The following EFCAB7 variants were observed in gnomAD, a reference collection of about 807,000 sequenced individuals.
The protein encoded by EFCAB7 is EF-hand calcium binding domain 7.
EFCAB7 carries 66 observed loss-of-function variants against 77.1 expected under a neutral mutation model. The ratio of observed to expected loss-of-function variants is 0.86; its 90% CI spans 0.70 to 1.05. The LOEUF (loss-of-function observed/expected upper bound fraction) is 1.05, where lower values mean the gene tolerates loss of function less well. EFCAB7 is among the 50% of genes least tolerant of loss of function. The pLI, the probability that EFCAB7 is intolerant of heterozygous loss-of-function variation, is 0.00. For synonymous variants in EFCAB7, 225 were observed against 243.3 expected, an observed-to-expected ratio of 0.92 and a Z score of 0.70; for missense variants, 638 against 730.5, an observed-to-expected ratio of 0.87 and a Z score of 1.46.
At chr1:63,533,398 C>A in intron 4 of EFCAB7, 56 bp from the exon 5 acceptor site, 1 of 1,346,394 alleles carries the variant, frequency 7.4e-7, no homozygotes, top group Non-Finnish European at 1.0e-6. Flanking sequence ...TTGCTTTCTC[C>A]TCTTCCCCAG....
chr1:63,565,505 C>T (rs955267190), intron 11 of EFCAB7, among the ~76,000 whole-genome samples: 3 of 152,036 alleles, frequency 2.0e-5, no homozygotes, highest in African/African-American at 7.2e-5. Context: ...ATGCCACAAG[C>T]AATTGCAACA....
At chr1:63,578,747 G>T in the EFCAB7 span, among the ~76,000 whole-genome samples, 1 of 151,510 alleles carries the variant, frequency 6.6e-6, no homozygotes, top group African/African-American at 2.4e-5. Context: ...GGCCTCACAA[G>T]CAATAGATCA....
chr1:63,568,633 G>T, intron 12 of EFCAB7, 114 bp downstream of exon 12: 1 of 711,526 alleles, frequency 1.4e-6, no homozygotes, highest in Non-Finnish European at 2.2e-6. Flanking sequence ...CATTAATAAT[G>T]TTTATAATGC....
At chr1:63,529,119 A>G (rs1444079610) in intron 2 of EFCAB7, 1 of 152,244 alleles carries the variant, frequency 6.6e-6, no homozygotes, top group East Asian at 1.9e-4. Flanking sequence ...ACTAGGCAAA[A>G]TACTTACTTA....
chr1:63,555,270 C>G (rs1236871202), intron 8 of EFCAB7, 88 bp from the exon 9 acceptor site: 1 of 1,360,482 alleles, frequency 7.4e-7, no homozygotes, highest in Non-Finnish European at 1.0e-6. Flanking sequence ...TCTAATGTGT[C>G]CCTTTCAGAA....
At chr1:63,559,862 C>G (rs1647074495) in intron 10 of EFCAB7, among the ~76,000 whole-genome samples, 1 of 152,182 alleles carries the variant, frequency 6.6e-6, no homozygotes, top group Non-Finnish European at 1.5e-5. Context: ...TCTGGGCTCT[C>G]TATTCTGTTC....
chr1:63,524,476 G>A (rs1470921362), intron 1 of EFCAB7, among the ~76,000 whole-genome samples: 1 of 152,172 alleles, frequency 6.6e-6, no homozygotes, highest in Non-Finnish European at 1.5e-5. Flanking sequence ...AAGTGTAAAT[G>A]ATCTATATAA....
In EFCAB7 at chr1:63,551,842, T is replaced by C. The variant is rs774302906; in HGVS notation, c.1056+8T>C. The C allele has an allele frequency of 2.0e-6, 3 of 1,513,564 alleles. No individual in the cohort carries two copies. Among genetic ancestry groups the C allele is most frequent in the Non-Finnish European group, 2.7e-6 (3 of 1,122,620 alleles). The allele number at this position is 1,513,564 out of a possible 1,614,324, so 93.8% of individuals were successfully genotyped here. A position where few individuals can be genotyped will look rare whatever the true frequency, so the allele number is the denominator to read the frequency against. ...GAACTACGAAATAGAGAAGTATACA[T>C]ATTTATTTTCTAATGTTTAATTTTT... On this transcript the variant is annotated splice_region_variant and intron_variant, in intron 8 of 13. Coordinates refer to ENST00000371088, the MANE Select transcript of EFCAB7 (RefSeq NM_032437.4).
chr1:63,529,387 T>C (rs942987628), intron 2 of EFCAB7, among the ~76,000 whole-genome samples: 1 of 152,110 alleles, frequency 6.6e-6, no homozygotes, highest in Non-Finnish European at 1.5e-5. Flanking sequence ...TAGATAGCAA[T>C]TTTACAGTCA....
intron 6 of EFCAB7, among the ~76,000 whole-genome samples, chr1:63,538,807 T>G (rs964352530): frequency 2.0e-5 from 3 of 152,224 alleles, no homozygotes; most frequent in African/African-American, 7.2e-5. Flanking sequence ...CTGGCAGATC[T>G]TAAGTTGAAT....
chr1:63,532,953 T>A (rs1646717074), intron 4 of EFCAB7, among the ~76,000 whole-genome samples, 197 bp downstream of exon 4: 1 of 152,134 alleles, frequency 6.6e-6, no homozygotes, highest in African/African-American at 2.4e-5. Flanking sequence ...AAGGGATGCA[T>A]CTTTTTAATA....
the EFCAB7 span, among the ~76,000 whole-genome samples, chr1:63,582,395 G>C: frequency 3.9e-5 from 6 of 152,142 alleles, no homozygotes; most frequent in African/African-American, 1.4e-4. Flanking sequence ...GAAAACATAA[G>C]GACCATTGTA....
chr1:63,534,604 G>GTGTTAATA (rs1195184122), intron 6 of EFCAB7, among the ~76,000 whole-genome samples: 1 of 152,084 alleles, frequency 6.6e-6, no homozygotes, highest in African/African-American at 2.4e-5. Flanking sequence ...TATTTGTAGA[G>GTGTTAATA]TGTTAATATT....
intron 8 of EFCAB7, among the ~76,000 whole-genome samples, chr1:63,554,787 A>G (rs1374722309): frequency 2.6e-5 from 4 of 152,238 alleles, no homozygotes; most frequent in Non-Finnish European, 4.4e-5. Flanking sequence ...AGTCCATATT[A>G]CATTAAAAAA....
chr1:63,555,938 A>G (rs891056168), intron 9 of EFCAB7, among the ~76,000 whole-genome samples: 7 of 152,008 alleles, frequency 4.6e-5, no homozygotes, highest in East Asian at 3.9e-4. Context: ...GAGTCTCGCT[A>G]TGTTGCCCAG....
At chr1:63,545,666 A>G (rs1249992873) in intron 6 of EFCAB7, among the ~76,000 whole-genome samples, 1 of 151,704 alleles carries the variant, frequency 6.6e-6, no homozygotes, top group Non-Finnish European at 1.5e-5. Context: ...GGGTTTCTCC[A>G]TGTTGGTCAG....
downstream of EFCAB7, among the ~76,000 whole-genome samples, chr1:63,574,878 G>A (rs145908873): frequency 3.2e-3 from 487 of 152,312 alleles, 1 homozygote; most frequent in Admixed American, 4.5e-3. Context: ...AGTTCAGCTT[G>A]CTGAGAGGTA....
the EFCAB7 span, among the ~76,000 whole-genome samples, chr1:63,584,232 G>A: frequency 2.0e-5 from 3 of 152,160 alleles, no homozygotes; most frequent in East Asian, 3.9e-4. Flanking sequence ...AACATTTTTA[G>A]AGAAATGAGA....
chr1:63,532,696 A>G lies in EFCAB7; in HGVS notation c.426A>G (p.Glu142=), dbSNP rs1266907787. ...TKRGEKMTRE[E]VNAIINLADV... is the part of the protein sequence containing the mutation. Reference sequence around the variant, plus strand: ...GAGGTGAGAAGATGACTCGAGAAGAAGTAAATGCCATAATAAATTTGGCTG... The same window carrying G: ...GAGGTGAGAAGATGACTCGAGAAGAGGTAAATGCCATAATAAATTTGGCTG... The change falls in exon 4 of 14, where the codon GAA becomes GAG. Residue 142 remains glutamate (E), a synonymous_variant. Transcript: ENST00000371088. The G allele has an allele frequency of 1.9e-6, 3 of 1,603,120 alleles. No individual in the cohort carries two copies. Among genetic ancestry groups the G allele is most frequent in the Non-Finnish European group, 2.6e-6 (3 of 1,176,144 alleles).
Sources: gnomAD v4.1 joint callset for allele counts (sites outside exome capture counted in the v4.1 genomes callset) on GRCh38, gnomAD v4.1.1 for gene constraint, MANE v1.5 for transcripts, NCBI Gene and HGNC (gene_info 2026-07-23, HGNC 2026-07-21) for gene names.